FARS2: variants seen among roughly 807,000 people sequenced by gnomAD.
FARS2 encodes the protein phenylalanine--tRNA ligase, mitochondrial.
Under a neutral mutation model 46.4 loss-of-function variants are expected in FARS2, and 40 were observed. The ratio of observed to expected loss-of-function variants is 0.86; its 90% confidence interval spans 0.67 to 1.12. FARS2 has a LOEUF of 1.12. Ranked by LOEUF, FARS2 falls within the 50% of genes most tolerant of loss-of-function variation. The pLI is 0.00. For missense variants in FARS2, 513 were observed against 567.9 expected, an observed-to-expected ratio of 0.90 and a Z score of 0.98; for synonymous variants, 234 against 214.9, an observed-to-expected ratio of 1.09 and a Z score of -0.78.
Position 5,437,317 on chromosome 6 carries a change from CA to C in FARS2, c.904+6150del, listed in dbSNP as rs1229261365. Among the ~76,000 whole-genome samples the C allele has an allele frequency of 3.3e-5, 5 of 152,148 alleles. No homozygotes were observed. The East Asian group carries it at 9.6e-4, about 29-fold the overall frequency. ...GACATATATTTCCATTCTCTAGAAG[CA>C]AAAAGCCTATGAGTGGAGTGTTCTA... On this transcript the variant is annotated intron_variant, in intron 4 of 6. Coordinates refer to ENST00000274680, the MANE Select transcript of FARS2 (RefSeq NM_006567.5).
At chr6:5,534,376 A>G (rs537187039) in intron 4 of FARS2, among the ~76,000 whole-genome samples, 3 of 152,330 alleles carry the variant, frequency 2.0e-5, no homozygotes, top group South Asian at 2.1e-4. Context: ...ACCACTATCT[A>G]TCTCCAAAAT....
chr6:5,421,527 C>T (rs976977659), intron 3 of FARS2, among the ~76,000 whole-genome samples: 3 of 152,206 alleles, frequency 2.0e-5, no homozygotes, highest in Non-Finnish European at 4.4e-5. Context: ...TGTCAGCCTA[C>T]AGATTTTCCA....
intron 6 of FARS2, among the ~76,000 whole-genome samples, chr6:5,651,244 C>T (rs1777346133): frequency 6.6e-6 from 1 of 152,156 alleles, no homozygotes; most frequent in African/African-American, 2.4e-5. Context: ...AGAAGCAATC[C>T]AGCTTGAACT....
intron 2 of FARS2, 75 bp from the exon 3 acceptor site, chr6:5,404,467 A>C: frequency 1.0e-6 from 1 of 977,216 alleles, no homozygotes; most frequent in Non-Finnish European, 1.5e-6. Flanking sequence ...AAAGATTCTT[A>C]GCAGAATTTT....
chr6:5,551,830 C>T (rs1771390405), intron 5 of FARS2, among the ~76,000 whole-genome samples: 1 of 152,292 alleles, frequency 6.6e-6, no homozygotes, highest in South Asian at 2.1e-4. Flanking sequence ...CAAGCCCTGC[C>T]ACTTCCCTCT....
intron 6 of FARS2, among the ~76,000 whole-genome samples, chr6:5,686,517 A>G (rs1359929691): frequency 4.6e-5 from 7 of 152,140 alleles, no homozygotes; most frequent in South Asian, 2.1e-4. Context: ...CCATGTCCCT[A>G]CAAAGAACAT....
At chr6:5,709,888 G>C (rs529770522) in intron 6 of FARS2, among the ~76,000 whole-genome samples, 1 of 152,178 alleles carries the variant, frequency 6.6e-6, no homozygotes, top group East Asian at 1.9e-4. Context: ...CTTGGTGAGT[G>C]CTCATATTAA....
intron 6 of FARS2, among the ~76,000 whole-genome samples, chr6:5,633,507 A>T (rs1776398092): frequency 6.6e-6 from 1 of 151,868 alleles, no homozygotes; most frequent in Non-Finnish European, 1.5e-5. Flanking sequence ...AACTCAGGTG[A>T]TGCACCCACT....
chr6:5,629,845 C>T (rs1011772633), intron 6 of FARS2, among the ~76,000 whole-genome samples: 6 of 151,854 alleles, frequency 4.0e-5, no homozygotes, highest in Admixed American at 1.3e-4. Context: ...CTATGGGAAA[C>T]GGGGCCAGTT....
intron 6 of FARS2, among the ~76,000 whole-genome samples, chr6:5,701,303 G>C (rs1758421551): frequency 1.3e-5 from 2 of 152,248 alleles, no homozygotes; most frequent in Admixed American, 6.5e-5. Context: ...GCCGGTGTTA[G>C]TGGTGTCTGC....
At chr6:5,394,342 C>G (rs1017284613) in intron 2 of FARS2, among the ~76,000 whole-genome samples, 3 of 152,214 alleles carry the variant, frequency 2.0e-5, no homozygotes, top group Admixed American at 2.0e-4. Flanking sequence ...TTACAGTTGC[C>G]TACAGTATTC....
At chr6:5,356,004 T>C (rs1221434252) in intron 1 of FARS2, among the ~76,000 whole-genome samples, 1 of 152,184 alleles carries the variant, frequency 6.6e-6, no homozygotes, top group Non-Finnish European at 1.5e-5. Context: ...AAATCTGACT[T>C]GCCCGATGCG....
rs1289994965 is a variant in FARS2 at position 5,498,522 on chromosome 6, G to A, written c.905-46658G>A. 3.0e-4 allele frequency among the ~76,000 whole-genome samples: 46 copies of A among 152,318 alleles called. 2 individuals are homozygous for A. The highest frequency in any genetic ancestry group is 1.6e-4 in the Non-Finnish European group (11 of 68,030). On this transcript the variant is annotated intron_variant, in intron 4 of 6. Transcript: ENST00000274680. ...GAGGGAGGAATCTGTTCATCACCGT[G>A]TCTCTAACACCAGCGGAGTGACTGC... is the stretch of plus-strand genomic sequence containing the variant.
chr6:5,453,793 A>G (rs74342226), intron 4 of FARS2, among the ~76,000 whole-genome samples: 1 of 152,306 alleles, frequency 6.6e-6, no homozygotes, highest in East Asian at 1.9e-4. Context: ...TCACAGTGCC[A>G]GTGGGTAGTC....
chr6:5,363,805 A>G (rs570138701), intron 1 of FARS2, among the ~76,000 whole-genome samples: 125 of 152,238 alleles, frequency 8.2e-4, no homozygotes, highest in African/African-American at 2.9e-3. Flanking sequence ...ATAAGTTCCA[A>G]GTATTCTTCT....
rs73718034 is a variant in FARS2, at chr6:5,282,909, G to A, written c.-22+21249G>A. On this transcript the variant is annotated intron_variant, in intron 1 of 6. Coordinates refer to ENST00000274680, the MANE Select transcript of FARS2 (RefSeq NM_006567.5). ...AACAGCAGGGATAAAGGAGAGAGTG[G>A]CCATAAAGCCTAGTGGCTTGCAATG... is the stretch of plus-strand genomic sequence containing the variant. Among the ~76,000 whole-genome samples the A allele has an allele frequency of 3.4e-3, 521 of 152,244 alleles. 6 individuals are homozygous for A. Among genetic ancestry groups the A allele is most frequent in the African/African-American group, 0.012 (496 of 41,522 alleles).
intron 1 of FARS2, among the ~76,000 whole-genome samples, chr6:5,361,652 A>G (rs1002181504): frequency 3.3e-5 from 5 of 152,180 alleles, no homozygotes; most frequent in African/African-American, 1.2e-4. Flanking sequence ...TTTTCCCACC[A>G]TTGTTTAGTA....
At chr6:5,483,758 G>A (rs991329763) in intron 4 of FARS2, among the ~76,000 whole-genome samples, 1 of 152,108 alleles carries the variant, frequency 6.6e-6, no homozygotes, top group African/African-American at 2.4e-5. Flanking sequence ...GCTCAACAAA[G>A]GTAGCCCAAG....
chr6:5,770,283 C>A (rs1762966976), intron 6 of FARS2, among the ~76,000 whole-genome samples: 1 of 152,180 alleles, frequency 6.6e-6, no homozygotes, highest in Non-Finnish European at 1.5e-5. Context: ...CGTGGCCTCT[C>A]CCTGGCTAGG....
Sources: gnomAD v4.1 joint callset for allele counts (sites outside exome capture counted in the v4.1 genomes callset) on GRCh38, gnomAD v4.1.1 for gene constraint, MANE v1.5 for transcripts, NCBI Gene and HGNC (gene_info 2026-07-23, HGNC 2026-07-21) for gene names.